SEMA5A: variants seen among roughly 807,000 people sequenced by gnomAD.
SEMA5A encodes semaphorin 5A, also known as semaphorin-5A.
A neutral mutation model predicts 135.5 loss-of-function variants in SEMA5A; 55 were observed. That is an observed-to-expected ratio of 0.41 (90% CI 0.33 to 0.51). The LOEUF (loss-of-function observed/expected upper bound fraction) is 0.51. Ranked by LOEUF, SEMA5A falls within the 20% of genes least tolerant of loss-of-function variation. SEMA5A has a pLI of 0.37. For synonymous variants in SEMA5A, 580 were observed against 546.5 expected (o/e 1.06, Z -0.85); for missense variants, 1,290 against 1,419.9 (o/e 0.91, Z 1.47).
chr5:9,517,371 C>T (rs1253514204), intron 1 of SEMA5A: 1 of 152,236 alleles, frequency 6.6e-6, no homozygotes, highest in Non-Finnish European at 1.5e-5. Context: ...TCAATACTCA[C>T]TTCTCTAAGT....
intron 13 of SEMA5A, among the ~76,000 whole-genome samples, chr5:9,128,953 T>C (rs73045683): frequency 0.018 from 2,807 of 152,276 alleles, 44 homozygotes; most frequent in African/African-American, 0.049. Context: ...ACCCAAAATG[T>C]CTCCAGACAT....
chr5:9,135,086 T>C (rs929832775), intron 13 of SEMA5A, among the ~76,000 whole-genome samples: 1 of 152,114 alleles, frequency 6.6e-6, no homozygotes, highest in African/African-American at 2.4e-5. Context: ...TGAAGGCCCC[T>C]TGATTCGGTG....
At chr5:9,445,817 G>A (rs1237573998) in intron 1 of SEMA5A, among the ~76,000 whole-genome samples, 1 of 152,162 alleles carries the variant, frequency 6.6e-6, no homozygotes, top group Non-Finnish European at 1.5e-5. Flanking sequence ...TCACACCTGG[G>A]TCATTTAATC....
intron 4 of SEMA5A, among the ~76,000 whole-genome samples, chr5:9,336,056 G>T (rs1045238424): frequency 6.6e-6 from 1 of 152,164 alleles, no homozygotes; most frequent in Non-Finnish European, 1.5e-5. Flanking sequence ...GAATGTGGTG[G>T]TTCAGGACTG....
At chr5:9,156,437 AC>A (rs1742959877) in intron 11 of SEMA5A, among the ~76,000 whole-genome samples, 1 of 152,178 alleles carries the variant, frequency 6.6e-6, no homozygotes, top group Non-Finnish European at 1.5e-5. Context: ...CCCATGAGGC[AC>A]CAGCAGAGGG....
intron 2 of SEMA5A, among the ~76,000 whole-genome samples, chr5:9,399,266 A>G (rs865819688): frequency 1.5e-4 from 23 of 152,370 alleles, no homozygotes; most frequent in African/African-American, 5.3e-4. Flanking sequence ...AGTGTTATTC[A>G]GCCAGTAAAA....
At chr5:9,492,145 G>A (rs548871723) in intron 1 of SEMA5A, among the ~76,000 whole-genome samples, 9 of 152,290 alleles carry the variant, frequency 5.9e-5, no homozygotes, top group Non-Finnish European at 8.8e-5. Flanking sequence ...AATGGAGCTC[G>A]TATTTGGATG....
In SEMA5A at chr5:9,279,949, T is replaced by C. The variant is rs189728778; in HGVS notation, c.270+38423A>G. On this transcript the variant is annotated intron_variant, in intron 5 of 22. Coordinates refer to ENST00000382496, the MANE Select transcript of SEMA5A (RefSeq NM_003966.3). ...ACAGCAGTGTAATAACTGACTAATATCAACTTGCATATGACCATTTTGTCA... is the reference window on the plus strand; with the variant it reads ...ACAGCAGTGTAATAACTGACTAATACCAACTTGCATATGACCATTTTGTCA... 5.8e-4 allele frequency among the ~76,000 whole-genome samples: 88 copies of C among 152,290 alleles called. 1 individual carries two copies. The highest frequency in any genetic ancestry group is 9.3e-4 in the Non-Finnish European group (63 of 68,020).
At chr5:9,186,809 T>C (rs950179857) in intron 11 of SEMA5A, among the ~76,000 whole-genome samples, 3 of 152,248 alleles carry the variant, frequency 2.0e-5, no homozygotes, top group Non-Finnish European at 4.4e-5. Flanking sequence ...TATTATGTTT[T>C]CTTTATTCTA....
At chr5:9,131,280 G>A (rs1321899259) in intron 13 of SEMA5A, among the ~76,000 whole-genome samples, 1 of 152,042 alleles carries the variant, frequency 6.6e-6, no homozygotes, top group African/African-American at 2.4e-5. Context: ...GTCACATGGT[G>A]AGAGAGAGAG....
At chr5:9,139,695 A>G (rs1741957449) in intron 12 of SEMA5A, among the ~76,000 whole-genome samples, 1 of 151,972 alleles carries the variant, frequency 6.6e-6, no homozygotes, top group East Asian at 1.9e-4. Context: ...CCTGTTTGAC[A>G]TTTTTTTCTT....
chr5:9,303,559 G>GGAGGTAT (rs1751718227), intron 5 of SEMA5A, among the ~76,000 whole-genome samples: 1 of 151,854 alleles, frequency 6.6e-6, no homozygotes, highest in Non-Finnish European at 1.5e-5. Context: ...TATGTTTCTA[G>GGAGGTAT]GAGGTATAAT....
intron 4 of SEMA5A, among the ~76,000 whole-genome samples, chr5:9,322,225 A>G (rs1190188627): frequency 6.6e-6 from 1 of 152,198 alleles, no homozygotes; most frequent in Non-Finnish European, 1.5e-5. Context: ...TGGGCTGTAA[A>G]GGTACCCCTC....
Position 9,379,875 on chromosome 5 carries a change from G to A in SEMA5A, c.72C>T (p.Ala24=), listed in dbSNP as rs759889364. The stretch of plus-strand genomic sequence containing the variant: ...TTCTCTGGCACTGAGTCGTACCCTG[G>A]GCCTCTGGGTGGGCGAGTCTCCACA... The part of the protein sequence containing the change: ...LGLWRLAHPE[A]QGTTQCQRTE... Residue 24 remains alanine, a synonymous_variant, in exon 3 of 23, where the codon GCC becomes GCT. Coordinates refer to ENST00000382496, the MANE Select transcript of SEMA5A (RefSeq NM_003966.3). 3.7e-6 allele frequency: 6 copies of A among 1,613,906 alleles called. No homozygotes were observed. The African/African-American group carries it at 4.0e-5, about 11-fold the overall frequency.
chr5:9,538,740 C>G (rs538713147), intron 1 of SEMA5A, among the ~76,000 whole-genome samples: 3 of 152,302 alleles, frequency 2.0e-5, no homozygotes, highest in African/African-American at 7.2e-5. Flanking sequence ...ACAGAGATCA[C>G]AGCTCAGATA....
chr5:9,393,764 TAAG>T (rs1393272145), intron 2 of SEMA5A, among the ~76,000 whole-genome samples: 3 of 152,206 alleles, frequency 2.0e-5, no homozygotes, highest in African/African-American at 7.2e-5. Flanking sequence ...CAGTGTTTAA[TAAG>T]AACAGTGAGA....
chr5:9,510,151 C>T (rs961719458), intron 1 of SEMA5A, among the ~76,000 whole-genome samples: 2 of 152,162 alleles, frequency 1.3e-5, no homozygotes, highest in African/African-American at 2.4e-5. Flanking sequence ...TTTTAACTCC[C>T]GTGGCATCTG....
chr5:9,460,355 T>C (rs1368939409), intron 1 of SEMA5A, among the ~76,000 whole-genome samples: 3 of 152,070 alleles, frequency 2.0e-5, no homozygotes, highest in Non-Finnish European at 2.9e-5. Context: ...AACAAAACAG[T>C]TTTAACAAAA....
intron 4 of SEMA5A, among the ~76,000 whole-genome samples, chr5:9,332,760 T>C (rs373556890): frequency 5.2e-5 from 8 of 152,390 alleles, no homozygotes; most frequent in South Asian, 4.1e-4. Context: ...TGCCTTTTGT[T>C]CCCTTGGTGA....
Sources: gnomAD v4.1 joint callset for allele counts (sites outside exome capture counted in the v4.1 genomes callset) on GRCh38, gnomAD v4.1.1 for gene constraint, MANE v1.5 for transcripts, NCBI Gene and HGNC (gene_info 2026-07-23, HGNC 2026-07-21) for gene names.